CTNNA3: variants seen among roughly 807,000 people sequenced by gnomAD.
CTNNA3 encodes the protein catenin alpha 3, also known as catenin alpha-3.
A neutral mutation model predicts 95.7 loss-of-function variants in CTNNA3; 76 were observed. That is an observed-to-expected ratio of 0.79 (90% CI 0.66 to 0.96). The LOEUF is 0.96. Among genes scored for constraint, CTNNA3 ranks in the 40% least tolerant of loss-of-function variants. CTNNA3 has a pLI of 0.00. For missense variants in CTNNA3, 1,191 were observed against 1,089.8 expected (o/e 1.09, Z -1.31); for synonymous variants, 431 against 374.4 (o/e 1.15, Z -1.74).
chr10:67,631,123 T>C (rs1226822073), intron 2 of CTNNA3, among the ~76,000 whole-genome samples: 2 of 152,182 alleles, frequency 1.3e-5, no homozygotes, highest in African/African-American at 2.4e-5. Context: ...ATGCCTACAG[T>C]TGCAGTCATA....
At chr10:66,279,393 A>G (rs2091455444) in intron 13 of CTNNA3, among the ~76,000 whole-genome samples, 2 of 152,062 alleles carry the variant, frequency 1.3e-5, no homozygotes, top group African/African-American at 4.8e-5. Context: ...TATATTCACC[A>G]GTCCCACTGA....
At chr10:67,653,944 C>T (rs1235103157) in intron 1 of CTNNA3, among the ~76,000 whole-genome samples, 1 of 152,168 alleles carries the variant, frequency 6.6e-6, no homozygotes, top group Admixed American at 6.5e-5. Flanking sequence ...TGGAATCCAT[C>T]CTTCCAAGAC....
intron 13 of CTNNA3, among the ~76,000 whole-genome samples, chr10:66,269,826 A>G (rs2132126282): frequency 6.6e-6 from 1 of 152,298 alleles, no homozygotes; most frequent in South Asian, 2.1e-4. Flanking sequence ...ATCTTTAAAG[A>G]GTAATCTTGT....
At chr10:66,840,368 TCTCTCACACACACACACACA>T (rs1843021914) in intron 7 of CTNNA3, among the ~76,000 whole-genome samples, 1 of 80,274 alleles carries the variant, frequency 1.2e-5, no homozygotes, top group African/African-American at 9.0e-5. Context: ...TCTCTCTCTC[TCTCTCACACACACACACACA>T]CACACACACA....
intron 13 of CTNNA3, among the ~76,000 whole-genome samples, chr10:66,188,391 CT>C (rs1355199440): frequency 5.9e-5 from 9 of 151,994 alleles, no homozygotes; most frequent in Non-Finnish European, 1.0e-4. Flanking sequence ...ACCCTCACCC[CT>C]GGTAACCACC....
chr10:66,923,425 C>A (rs528927514), intron 7 of CTNNA3, among the ~76,000 whole-genome samples: 1 of 152,032 alleles, frequency 6.6e-6, no homozygotes, highest in Non-Finnish European at 1.5e-5. Flanking sequence ...TCAATGACTA[C>A]GTGGGAGAGT....
intron 12 of CTNNA3, among the ~76,000 whole-genome samples, chr10:66,354,307 T>C (rs533034819): frequency 9.1e-6 from 1 of 109,916 alleles, no homozygotes; most frequent in East Asian, 2.6e-4. Context: ...AAAAAGTCTA[T>C]GAACACTAAA....
intron 5 of CTNNA3, among the ~76,000 whole-genome samples, chr10:67,357,770 A>C (rs1842864756): frequency 6.6e-6 from 1 of 152,104 alleles, no homozygotes; most frequent in Non-Finnish European, 1.5e-5. Context: ...AAAGAACAAT[A>C]AAGGGGTGAG....
intron 1 of CTNNA3, among the ~76,000 whole-genome samples, chr10:67,706,235 T>C (rs946578441): frequency 2.6e-5 from 4 of 151,832 alleles, no homozygotes; most frequent in Non-Finnish European, 4.4e-5. Flanking sequence ...CTGTCATCTC[T>C]CAAAACAGTT....
chr10:66,086,099 C>A (rs113923210), intron 14 of CTNNA3, among the ~76,000 whole-genome samples: 77 of 152,162 alleles, frequency 5.1e-4, no homozygotes, highest in African/African-American at 1.8e-3. Context: ...GGGGGAACAT[C>A]TGGATTAGAA....
intron 7 of CTNNA3, among the ~76,000 whole-genome samples, chr10:66,777,236 C>G (rs1163968210): frequency 6.6e-6 from 1 of 152,118 alleles, no homozygotes; most frequent in South Asian, 2.1e-4. Flanking sequence ...AAATTCAATA[C>G]CAAATCTGGC....
chr10:67,500,475 T>C (rs1839193727), intron 5 of CTNNA3, among the ~76,000 whole-genome samples: 1 of 152,214 alleles, frequency 6.6e-6, no homozygotes, highest in Admixed American at 6.5e-5. Context: ...GCTCAAGTCC[T>C]GAACATCCTT....
chr10:66,534,469 CATATATATATAT>C (rs58455418), intron 10 of CTNNA3, among the ~76,000 whole-genome samples: 10,349 of 146,806 alleles, frequency 0.07, 469 homozygotes, highest in East Asian at 0.16. Context: ...TTATAAAAAT[CATATATATATAT>C]ATATATATAT....
chr10:67,340,781 A>G (rs1842155137), intron 5 of CTNNA3, among the ~76,000 whole-genome samples: 1 of 152,240 alleles, frequency 6.6e-6, no homozygotes. Context: ...CTTTTTATAT[A>G]GAATGAAATG....
At chr10:66,882,654 C>T (rs2132470997) in intron 7 of CTNNA3, among the ~76,000 whole-genome samples, 1 of 152,170 alleles carries the variant, frequency 6.6e-6, no homozygotes, top group African/African-American at 2.4e-5. Context: ...TTTCTTATTG[C>T]TTCAAAAAGT....
rs1564807453 is a variant in CTNNA3 at position 67,647,546 on chromosome 10, T to C, written c.-5-28A>G. ...GTGCACAAACACAAAAGGATGCTTA[T>C]TAATAAAGAAAACTGTTTTCTAAAG... On this transcript the variant is annotated intron_variant, in intron 1 of 17. Coordinates refer to ENST00000433211, the MANE Select transcript of CTNNA3 (RefSeq NM_013266.4). 4 of 1,574,544 alleles carry C rather than the reference T, an allele frequency of 2.5e-6. No homozygotes were observed. In the South Asian group the frequency reaches 4.5e-5, roughly 18 times the overall value.
chr10:67,119,118 CA>C (rs1433850758), intron 7 of CTNNA3, among the ~76,000 whole-genome samples: 1 of 151,872 alleles, frequency 6.6e-6, no homozygotes, highest in African/African-American at 2.4e-5. Context: ...ATTAGCTCTA[CA>C]AAATAACCAA....
intron 7 of CTNNA3, among the ~76,000 whole-genome samples, chr10:67,062,036 T>C (rs1017829026): frequency 2.6e-5 from 4 of 152,144 alleles, no homozygotes; most frequent in African/African-American, 4.8e-5. Flanking sequence ...AGAAAGAACA[T>C]TGAAGAACAG....
chr10:66,313,842 C>G (rs1396227376), intron 12 of CTNNA3, among the ~76,000 whole-genome samples: 1 of 152,106 alleles, frequency 6.6e-6, no homozygotes. Context: ...CTCCTCCATT[C>G]TCTAATAGCT....
Sources: gnomAD v4.1 joint callset for allele counts (sites outside exome capture counted in the v4.1 genomes callset) on GRCh38, gnomAD v4.1.1 for gene constraint, MANE v1.5 for transcripts, NCBI Gene and HGNC (gene_info 2026-07-23, HGNC 2026-07-21) for gene names.